ZRANB3: variants seen among roughly 807,000 people sequenced by gnomAD.
ZRANB3 encodes the protein DNA annealing helicase and endonuclease ZRANB3.
ZRANB3 carries 125 observed loss-of-function variants against 133.8 expected under a neutral mutation model. The ratio of observed to expected loss-of-function variants is 0.93; its 90% CI spans 0.81 to 1.08. The LOEUF (loss-of-function observed/expected upper bound fraction) is 1.08. Among genes scored for constraint, ZRANB3 ranks in the 50% least tolerant of loss-of-function variants. The pLI, the probability that ZRANB3 is intolerant of heterozygous loss-of-function variation, is 0.00. For synonymous variants in ZRANB3, 387 were observed against 432.7 expected, an observed-to-expected ratio of 0.89 and a Z score of 1.31; for missense variants, 1,229 against 1,275.5, an observed-to-expected ratio of 0.96 and a Z score of 0.56.
chr2:135,402,486 G>A (rs1027069359), intron 2 of ZRANB3, among the ~76,000 whole-genome samples: 6 of 151,660 alleles, frequency 4.0e-5, no homozygotes, highest in African/African-American at 1.5e-4. Flanking sequence ...AGTAGAGATG[G>A]GGATTCACCG....
chr2:135,426,340 C>G (rs1423134637), intron 2 of ZRANB3, among the ~76,000 whole-genome samples: 1 of 152,100 alleles, frequency 6.6e-6, no homozygotes, highest in African/African-American at 2.4e-5. Flanking sequence ...TTCTATGAGG[C>G]CAGCATCATC....
At chr2:135,289,596 G>A (rs879025477) in intron 8 of ZRANB3, among the ~76,000 whole-genome samples, 1 of 152,152 alleles carries the variant, frequency 6.6e-6, no homozygotes, top group Admixed American at 6.5e-5. Context: ...GTCTGAGAGA[G>A]TACTTGATAC....
At chr2:135,208,507 TTGTC>T (rs1398385707) in intron 18 of ZRANB3, among the ~76,000 whole-genome samples, 6 of 152,218 alleles carry the variant, frequency 3.9e-5, no homozygotes, top group Non-Finnish European at 8.8e-5. Flanking sequence ...AACAGCTGCT[TTGTC>T]TGTTTTCCAT....
intron 8 of ZRANB3, among the ~76,000 whole-genome samples, chr2:135,278,027 A>T (rs541814058): frequency 3.6e-4 from 55 of 152,216 alleles, no homozygotes; most frequent in African/African-American, 1.2e-3. Context: ...TAAAAGTCTC[A>T]GAAAACAAAC....
At chr2:135,361,677 G>C (rs868131561) in intron 3 of ZRANB3, among the ~76,000 whole-genome samples, 2 of 152,148 alleles carry the variant, frequency 1.3e-5, no homozygotes, top group African/African-American at 4.8e-5. Flanking sequence ...TGTTATAAAA[G>C]AGATTGCTTT....
chr2:135,262,783 A>C (rs948258832), intron 12 of ZRANB3, among the ~76,000 whole-genome samples: 10 of 151,798 alleles, frequency 6.6e-5, no homozygotes, highest in Non-Finnish European at 2.9e-5. Context: ...CCTGTCTTTT[A>C]AAAAAATAAG....
intron 1 of ZRANB3, among the ~76,000 whole-genome samples, chr2:135,508,493 T>G (rs930761709): frequency 6.6e-6 from 1 of 152,124 alleles, no homozygotes; most frequent in Non-Finnish European, 1.5e-5. Context: ...AATCAAAAAT[T>G]TGTTTTAATA....
chr2:135,290,662 G>A (rs1278923810), intron 8 of ZRANB3, among the ~76,000 whole-genome samples: 3 of 150,460 alleles, frequency 2.0e-5, no homozygotes, highest in Non-Finnish European at 4.4e-5. Flanking sequence ...AATACCTTGG[G>A]CTCCCCCCCT....
chr2:135,417,945 C>G (rs113766895), intron 2 of ZRANB3, among the ~76,000 whole-genome samples: 117 of 152,184 alleles, frequency 7.7e-4, no homozygotes, highest in African/African-American at 2.6e-3. Context: ...GAACATCACA[C>G]TCCGGGGACT....
chr2:135,465,431 T>G (rs1453526075), intron 2 of ZRANB3, among the ~76,000 whole-genome samples: 1 of 152,192 alleles, frequency 6.6e-6, no homozygotes, highest in African/African-American at 2.4e-5. Context: ...GATGGTTACC[T>G]AATTTTGTCA....
chr2:135,435,400 G>A (rs111919311), intron 2 of ZRANB3, among the ~76,000 whole-genome samples: 118 of 152,246 alleles, frequency 7.8e-4, no homozygotes, highest in African/African-American at 2.6e-3. Context: ...TCAGTGATGT[G>A]CATTTAGGTT....
At chr2:135,490,771 G>A (rs1476478166) in intron 2 of ZRANB3, among the ~76,000 whole-genome samples, 1 of 152,148 alleles carries the variant, frequency 6.6e-6, no homozygotes. Flanking sequence ...AAAAGAAAAT[G>A]TGATATATAT....
At chr2:135,347,783 G>T (rs1465772488) in intron 5 of ZRANB3, among the ~76,000 whole-genome samples, 2 of 152,136 alleles carry the variant, frequency 1.3e-5, no homozygotes, top group African/African-American at 4.8e-5. Flanking sequence ...AGGAAATTGA[G>T]AACACAACAT....
intron 8 of ZRANB3, among the ~76,000 whole-genome samples, chr2:135,300,980 C>A (rs1682398906): frequency 6.6e-6 from 1 of 152,008 alleles, no homozygotes. Flanking sequence ...TCTCATTGAC[C>A]TCCAGCCTAG....
At chr2:135,382,704 G>GA (rs1164753336) in intron 3 of ZRANB3, among the ~76,000 whole-genome samples, 1 of 150,064 alleles carries the variant, frequency 6.7e-6, no homozygotes, top group African/African-American at 2.5e-5. Context: ...CTAAAGAAAA[G>GA]AATTTTCAAC....
chr2:135,271,364 C>G, intron 10 of ZRANB3: 1 of 472,312 alleles, frequency 2.1e-6, no homozygotes. Context: ...GACAAGAGTT[C>G]TTTTCCCCCA....
intron 2 of ZRANB3, among the ~76,000 whole-genome samples, chr2:135,465,159 A>G (rs1053597228): frequency 2.0e-5 from 3 of 152,258 alleles, no homozygotes; most frequent in African/African-American, 7.2e-5. Flanking sequence ...CATTCCATCA[A>G]TGAAGATAAT....
intron 1 of ZRANB3, among the ~76,000 whole-genome samples, chr2:135,524,262 A>G (rs1303146778): frequency 6.6e-6 from 1 of 152,058 alleles, no homozygotes; most frequent in Non-Finnish European, 1.5e-5. Context: ...TTTGTATTTT[A>G]GTAGAGACGG....
intron 3 of ZRANB3, among the ~76,000 whole-genome samples, chr2:135,365,376 AG>A (rs1398004775): frequency 6.6e-6 from 1 of 152,240 alleles, no homozygotes; most frequent in East Asian, 1.9e-4. Context: ...AGGCACTGAA[AG>A]GGTATCTAAT....
Sources: allele counts gnomAD v4.1 joint callset (sites outside exome capture counted in the v4.1 genomes callset), GRCh38; gene constraint gnomAD v4.1.1; transcripts MANE v1.5; gene names NCBI Gene and HGNC (gene_info 2026-07-23, HGNC 2026-07-21).